The following MEP1A variants were observed in gnomAD, a reference collection of about 807,000 sequenced individuals.
MEP1A encodes the protein N-benzoyl-L-tyrosyl-P-amino-benzoic acid hydrolase subunit alpha.
In MEP1A, 68 loss-of-function variants were observed where a neutral mutation model predicts 84.5. The observed-to-expected ratio is 0.80, with a 90% CI of 0.66 to 0.98. The LOEUF (loss-of-function observed/expected upper bound fraction) is 0.98, where lower values mean the gene tolerates loss of function less well. Ranked by LOEUF, MEP1A falls within the 50% of genes least tolerant of loss-of-function variation. MEP1A has a pLI of 0.00. For missense variants in MEP1A, 887 were observed against 919.9 expected (o/e 0.96, Z 0.46); for synonymous variants, 337 against 336.8 (o/e 1.00, Z -0.01).
chr6:46,805,298 T>C (rs1050449771), intron 5 of MEP1A, among the ~76,000 whole-genome samples: 1 of 151,976 alleles, frequency 6.6e-6, no homozygotes, highest in Non-Finnish European at 1.5e-5. Flanking sequence ...GTTTACTCCA[T>C]GCCTTTGCTA....
intron 5 of MEP1A, among the ~76,000 whole-genome samples, chr6:46,807,799 GAAA>G (rs1767391632): frequency 6.9e-6 from 1 of 145,424 alleles, no homozygotes; most frequent in Non-Finnish European, 1.5e-5. Flanking sequence ...AAGAAAGAAA[GAAA>G]GAAAGAAAGA....
intron 12 of MEP1A, among the ~76,000 whole-genome samples, chr6:46,834,966 T>G (rs1263047915): frequency 6.6e-6 from 1 of 152,228 alleles, no homozygotes; most frequent in African/African-American, 2.4e-5. Flanking sequence ...TTTGATAATT[T>G]TATCAGAGGT....
At chr6:46,794,460 T>C (rs555450533) in intron 3 of MEP1A, among the ~76,000 whole-genome samples, 2 of 152,328 alleles carry the variant, frequency 1.3e-5, no homozygotes, top group Non-Finnish European at 2.9e-5. Flanking sequence ...ACAGGTGGCT[T>C]CTCATGGGTA....
chr6:46,812,341 GC>G (rs1212792168), intron 6 of MEP1A, among the ~76,000 whole-genome samples: 2 of 151,952 alleles, frequency 1.3e-5, no homozygotes, highest in Non-Finnish European at 2.9e-5. Context: ...TTCTAATTGA[GC>G]TTATTGGGAT....
At chr6:46,814,536 T>G (rs1398588322) in intron 6 of MEP1A, among the ~76,000 whole-genome samples, 1 of 152,164 alleles carries the variant, frequency 6.6e-6, no homozygotes, top group Non-Finnish European at 1.5e-5. Flanking sequence ...CCTTCAAAAT[T>G]CTTTTTCTGG....
At position 46,829,632 on chromosome 6, in the gene MEP1A, TC is replaced by T. The variant is rs577501199; in HGVS notation, c.1144+63del. 537 of 1,222,832 alleles carry T rather than the reference TC, an allele frequency of 4.4e-4. No homozygotes were observed. In the African/African-American group the frequency reaches 7.0e-3, roughly 16 times the overall value. The allele number at this position is 1,222,832 out of a possible 1,614,324, so 75.7% of individuals were successfully genotyped here. A position where few individuals can be genotyped will look rare whatever the true frequency, so the allele number is the denominator to read the frequency against. On this transcript the variant is annotated intron_variant, in intron 10 of 13. Transcript: ENST00000230588. ...TTAAAATCCGGGATCCTGCTTCTTCTCCTCCTTCCCTCTTTCCTCCTACTCC... is the reference window on the plus strand; with the variant it reads ...TTAAAATCCGGGATCCTGCTTCTTCTCTCCTTCCCTCTTTCCTCCTACTCC...
chr6:46,793,690 A>G lies in MEP1A; in HGVS notation c.119A>G (p.Gln40Arg). ...GTACATGATGCAGATTTTGGTGAAC[A>G]GAAGGATATTTCAGAAATCAATTTA... Reference protein sequence around the residue: ...ENVHDADFGEQKDISEINLAA... With the variant: ...ENVHDADFGERKDISEINLAA... Residue 40 changes from glutamine to arginine, a missense_variant, in exon 3 of 14, where the codon CAG becomes CGG. Transcript: ENST00000230588. 5 of 1,610,298 alleles carry G rather than the reference A, an allele frequency of 3.1e-6. No individual in the cohort carries two copies. In the South Asian group the frequency reaches 3.3e-5, roughly 11 times the overall value.
intron 3 of MEP1A, among the ~76,000 whole-genome samples, chr6:46,794,971 T>A (rs1003164846): frequency 2.6e-5 from 4 of 152,214 alleles, no homozygotes; most frequent in Non-Finnish European, 5.9e-5. Context: ...AATCTTCTTT[T>A]TAGGCCATTT....
intron 7 of MEP1A, among the ~76,000 whole-genome samples, chr6:46,824,904 A>T (rs1165298430): frequency 8.2e-6 from 1 of 122,572 alleles, no homozygotes; most frequent in Non-Finnish European, 1.6e-5. Context: ...TATATATATA[A>T]ATTATATATT....
At chr6:46,837,053 G>A (rs1364634821) in intron 13 of MEP1A, among the ~76,000 whole-genome samples, 3 of 152,052 alleles carry the variant, frequency 2.0e-5, no homozygotes, top group Admixed American at 6.6e-5. Context: ...CAAGACCATG[G>A]AGACATTCTG....
chr6:46,823,733 C>T (rs1047326250), intron 7 of MEP1A, among the ~76,000 whole-genome samples: 1 of 152,160 alleles, frequency 6.6e-6, no homozygotes, highest in African/African-American at 2.4e-5. Context: ...TCCTATCACT[C>T]CACAAGAAGA....
At chr6:46,819,784 A>G in intron 7 of MEP1A, 80 bp downstream of exon 7, 1 of 1,448,222 alleles carries the variant, frequency 6.9e-7, no homozygotes. Context: ...ATCTGTGTGG[A>G]CAGGAGCTTC....
chr6:46,812,717 T>A (rs187684032), intron 6 of MEP1A, among the ~76,000 whole-genome samples: 17 of 152,052 alleles, frequency 1.1e-4, no homozygotes, highest in African/African-American at 3.6e-4. Context: ...TTGATTTCAT[T>A]GTTGACCCAG....
chr6:46,806,515 A>G (rs1767321474), intron 5 of MEP1A, among the ~76,000 whole-genome samples: 1 of 151,880 alleles, frequency 6.6e-6, no homozygotes, highest in African/African-American at 2.4e-5. Context: ...ACCCCTGTAA[A>G]TTTGCATGAC....
rs1562113703 is a variant in MEP1A, at chr6:46,824,896, T to TATATTTAA, written c.557-372_557-371insTTAAATAT. On this transcript the variant is annotated intron_variant, in intron 7 of 13. Transcript: ENST00000230588. ...GATCTATTTAAATATATATAAATTATATATATAAATTATATATTTAAATAG... is the reference window on the plus strand; with the variant it reads ...GATCTATTTAAATATATATAAATTATATATTTAAATATATAAATTATATATTTAAATAG... Among the ~76,000 whole-genome samples, 201 of 111,776 alleles carry TATATTTAA rather than the reference T, an allele frequency of 1.8e-3. 23 individuals carry two copies. Among genetic ancestry groups the TATATTTAA allele is most frequent in the African/African-American group, 8.7e-3 (188 of 21,570 alleles). The allele number at this position is 111,776 out of a possible 152,430, so 73.3% of individuals were successfully genotyped here.
Position 46,809,421 on chromosome 6 carries a change from G to A in MEP1A, c.264G>A (p.Gly88=). The A allele has an allele frequency of 3.1e-6, 5 of 1,592,464 alleles. No individual in the cohort carries two copies. Among genetic ancestry groups the A allele is most frequent in the Non-Finnish European group, 3.4e-6 (4 of 1,164,396 alleles). ...TGATATTTTTACTGATTTCTGCAGGGCTGAATGCTAAAGGAGCCATTCTGT... is the reference window on the plus strand; with the variant it reads ...TGATATTTTTACTGATTTCTGCAGGACTGAATGCTAAAGGAGCCATTCTGT... The part of the protein sequence containing the change: ...PIPYILADNL[G]LNAKGAILYA... Residue 88 remains glycine (G), a splice_region_variant and synonymous_variant, in exon 6 of 14, where the codon GGG becomes GGA. Transcript: ENST00000230588.
At position 46,825,014 on chromosome 6, in the gene MEP1A, A is replaced by ATT. The variant is rs1368243516; in HGVS notation, c.557-258_557-257insTT. ...TAAATAGATCTATTTAAGTATATAT[A>ATT]AATTATATATTTAAATAGATCTATT... On this transcript the variant is annotated intron_variant, in intron 7 of 13. Transcript: ENST00000230588. 3.3e-4 allele frequency among the ~76,000 whole-genome samples: 29 copies of ATT among 87,258 alleles called. 3 individuals are homozygous for ATT. The highest frequency in any genetic ancestry group is 9.4e-4 in the African/African-American group (28 of 29,778). 57.2% of individuals were successfully genotyped at this position (87,258 alleles called of 152,430 possible). A position where few individuals can be genotyped will look rare whatever the true frequency, so the allele number is the denominator to read the frequency against.
chr6:46,804,877 T>C (rs1767278317), intron 5 of MEP1A, among the ~76,000 whole-genome samples: 1 of 151,300 alleles, frequency 6.6e-6, no homozygotes, highest in Non-Finnish European at 1.5e-5. Flanking sequence ...TATTTTTTCT[T>C]TTTTCTTCAT....
At chr6:46,828,342 T>C (rs1300184176) in intron 9 of MEP1A, among the ~76,000 whole-genome samples, 1 of 152,020 alleles carries the variant, frequency 6.6e-6, no homozygotes, top group Admixed American at 6.6e-5. Flanking sequence ...TAATTTGCCC[T>C]GATTTAATAT....
Sources: gnomAD v4.1 joint callset for allele counts (sites outside exome capture counted in the v4.1 genomes callset) on GRCh38, gnomAD v4.1.1 for gene constraint, MANE v1.5 for transcripts, NCBI Gene and HGNC (gene_info 2026-07-23, HGNC 2026-07-21) for gene names.